OR2T8: variants seen among roughly 807,000 people sequenced by gnomAD.
The protein encoded by OR2T8 is olfactory receptor 2T8.
For missense variants in OR2T8, 161 were observed against 389.4 expected, an observed-to-expected ratio of 0.41 and a Z score of 4.94; for synonymous variants, 56 against 154.3, an observed-to-expected ratio of 0.36 and a Z score of 4.72.
Position 247,920,301 on chromosome 1 carries a change from T to C in OR2T8, c.-238T>C, listed in dbSNP as rs1411669969. ...GTTAATGAAAATGTGTGTTTACCAT[T>C]ATACTCTTACACTGCAAAGAAATAA... On this transcript the variant is annotated 5_prime_UTR_variant, in exon 1 of 2. Transcript: ENST00000641945. The C allele has an allele frequency of 6.6e-6, 1 of 152,266 alleles. No individual in the cohort carries two copies. The highest frequency in any genetic ancestry group is 1.9e-4 in the East Asian group (1 of 5,202). 9.4% of individuals were successfully genotyped at this position (152,266 alleles called of 1,614,324 possible). A position where few individuals can be genotyped will look rare whatever the true frequency, so the allele number is the denominator to read the frequency against.
rs141251148 is a variant in OR2T8 at position 247,921,109 on chromosome 1, G to C, written c.92G>C (p.Ser31Thr). Residue 31 changes from serine to threonine, a missense_variant, in exon 2 of 2, where the codon AGT becomes ACT. Physicochemically the swap from Ser to Thr is moderately conservative, Grantham distance 58. Coordinates refer to ENST00000641945, the MANE Select transcript of OR2T8 (RefSeq NM_001005522.2). ...CAAGTCCTCTTCATGATGGTTCTGA[G>C]TATCGTTTTGACCTCCCTGTTTGGC... is the stretch of plus-strand genomic sequence containing the variant. The part of the protein sequence containing the change: ...AHQVLFMMVL[S>T]IVLTSLFGNS... 1,260 of 1,605,178 alleles carry C rather than the reference G, an allele frequency of 7.8e-4. 6 individuals carry two copies. In the African/African-American group the frequency reaches 8.6e-3, roughly 11 times the overall value.
rs1314467356 is a variant in OR2T8, at chr1:247,922,941, C to T, written c.*985C>T. ...CAGTTTGCTTTTAATTTGCATTTTC[C>T]TGATGACTAATAATGTTGAGGCCTC... On this transcript the variant is annotated 3_prime_UTR_variant, in exon 2 of 2. Transcript: ENST00000641945. Among the ~76,000 whole-genome samples, 1 of 152,054 alleles carries T rather than the reference C, an allele frequency of 6.6e-6. No homozygotes were observed. Among genetic ancestry groups the T allele is most frequent in the African/African-American group, 2.4e-5 (1 of 41,406 alleles).
Position 247,921,863 on chromosome 1 carries a change from A to G in OR2T8, c.846A>G (p.Leu282=), listed in dbSNP as rs770017589. 1 of 1,613,578 alleles carries G rather than the reference A, an allele frequency of 6.2e-7. No individual in the cohort carries two copies. ...VSAFYTMFTP[L]LNPLIYSVKN... ...CCTTCTATACTATGTTCACCCCTTTACTAAACCCCCTCATCTACAGTGTGA... is the reference window on the plus strand; with the variant it reads ...CCTTCTATACTATGTTCACCCCTTTGCTAAACCCCCTCATCTACAGTGTGA... The change falls in exon 2 of 2, where the codon TTA becomes TTG. Residue 282 remains leucine (L), a synonymous_variant. Coordinates refer to ENST00000641945, the MANE Select transcript of OR2T8 (RefSeq NM_001005522.2).
Position 247,922,700 on chromosome 1 carries a change from A to G in OR2T8, c.*744A>G, listed in dbSNP as rs888974473. Among the ~76,000 whole-genome samples the G allele has an allele frequency of 2.0e-5, 3 of 152,116 alleles. No individual in the cohort carries two copies. Among genetic ancestry groups the G allele is most frequent in the African/African-American group, 7.2e-5 (3 of 41,412 alleles). ...GCTGATGGACATCTGGGCTATTTTC[A>G]GTTTGAAGTTCTGGTGACTGAAATG... On this transcript the variant is annotated 3_prime_UTR_variant, in exon 2 of 2. Coordinates refer to ENST00000641945, the MANE Select transcript of OR2T8 (RefSeq NM_001005522.2).
Position 247,921,715 on chromosome 1 carries a change from A to G in OR2T8, c.698A>G (p.Lys233Arg), listed in dbSNP as rs1660021807. 1.7e-5 allele frequency: 27 copies of G among 1,578,900 alleles called. No homozygotes were observed. The East Asian group carries it at 6.1e-4, about 35-fold the overall frequency. Residue 233 changes from lysine to arginine, a missense_variant, in exon 2 of 2, where the codon AAG (lysine) becomes AGG (arginine). Transcript: ENST00000641945. The stretch of plus-strand genomic sequence containing the variant: ...CACATGCGCTCTACAGAAGCCCGCA[A>G]GAAGGCCTTTGCCACCTGCTCTTCA... ...VLHMRSTEAR[K>R]KAFATCSSHV... is the part of the protein sequence containing the mutation.
chr1:247,920,955 C>T, intron 1 of OR2T8, 43 bp from the exon 2 acceptor site: 2 of 1,374,096 alleles, frequency 1.5e-6, no homozygotes, highest in Non-Finnish European at 2.0e-6. Context: ...AAATGGAGTA[C>T]CATAAAGGAT....
chr1:247,920,649 A>T (rs1553340901), intron 1 of OR2T8, 131 bp downstream of exon 1: 1 of 227,308 alleles, frequency 4.4e-6, no homozygotes, highest in Non-Finnish European at 8.7e-6. Flanking sequence ...TAACTCAAGC[A>T]CAAATAAAGT....
At position 247,922,016 on chromosome 1, in the gene OR2T8, A is replaced by C. The variant is rs1167971239; in HGVS notation, c.*60A>C. The C allele has an allele frequency of 9.1e-6, 14 of 1,540,476 alleles. No individual in the cohort carries two copies. Among genetic ancestry groups the C allele is most frequent in the African/African-American group, 4.1e-5 (3 of 72,830 alleles). On this transcript the variant is annotated 3_prime_UTR_variant, in exon 2 of 2. Transcript: ENST00000641945. ...AAAGTGTTTGTGTGGAATTTCCTAGAAATAAGGAATATACACTTTTATTTC... is the reference window on the plus strand; with the variant it reads ...AAAGTGTTTGTGTGGAATTTCCTAGCAATAAGGAATATACACTTTTATTTC...
At position 247,922,664 on chromosome 1, in the gene OR2T8, TC is replaced by T. The variant is rs1221432465; in HGVS notation, c.*710del. 6.6e-6 allele frequency among the ~76,000 whole-genome samples: 1 copy of T among 152,252 alleles called. No individual in the cohort carries two copies. Among genetic ancestry groups the T allele is most frequent in the East Asian group, 1.9e-4 (1 of 5,202 alleles). The stretch of plus-strand genomic sequence containing the variant: ...TTCTGAAAATTTCATCATTTGTTTA[TC>T]CATTATTTTGCTGATGGACATCTGG... On this transcript the variant is annotated 3_prime_UTR_variant, in exon 2 of 2. Transcript: ENST00000641945.
intron 1 of OR2T8, among the ~76,000 whole-genome samples, chr1:247,920,725 C>A (rs1293073897): frequency 1.3e-5 from 2 of 152,144 alleles, no homozygotes; most frequent in Non-Finnish European, 2.9e-5. Flanking sequence ...CAAAACCATT[C>A]TGACAGGTTA....
rs151173901 is a variant in OR2T8, at chr1:247,921,054, C to T, written c.37C>T (p.Leu13=). The T allele has an allele frequency of 1.8e-5, 29 of 1,611,216 alleles. No individual in the cohort carries two copies. In the African/African-American group the frequency reaches 3.5e-4, roughly 19 times the overall value. Residue 13 remains leucine (L), a synonymous_variant, in exon 2 of 2, where the codon CTA becomes TTA. Transcript: ENST00000641945. The stretch of plus-strand genomic sequence containing the variant: ...GAGCTATACCTCTTATTTCATTCTC[C>T]TAGGACTCTTTAACCACACCAGAGC... The part of the protein sequence containing the change: ...NGSYTSYFIL[L]GLFNHTRAHQ...
At chr1:247,920,620 A>G (rs1659994230) in intron 1 of OR2T8, 102 bp downstream of exon 1, 1 of 193,300 alleles carries the variant, frequency 5.2e-6, no homozygotes, top group African/African-American at 2.4e-5. Context: ...AGCTTCTAAA[A>G]TATTGACTAT....
Position 247,922,883 on chromosome 1 carries a change from A to G in OR2T8, c.*927A>G, listed in dbSNP as rs2103002724. Reference sequence around the variant, plus strand: ...TGCTCCAAATGTCGATGTTTTCTTCATTTTAGCAATTCTTCTGAGTGTAGT... The same window carrying G: ...TGCTCCAAATGTCGATGTTTTCTTCGTTTTAGCAATTCTTCTGAGTGTAGT... On this transcript the variant is annotated 3_prime_UTR_variant, in exon 2 of 2. Transcript: ENST00000641945. Among the ~76,000 whole-genome samples, 1 of 152,272 alleles carries G rather than the reference A, an allele frequency of 6.6e-6. No individual in the cohort carries two copies. Among genetic ancestry groups the G allele is most frequent in the East Asian group, 1.9e-4 (1 of 5,186 alleles).
chr1:247,922,611 T>C lies in OR2T8; in HGVS notation c.*655T>C, dbSNP rs4925776. Among the ~76,000 whole-genome samples, 110,201 of 152,098 alleles carry C rather than the reference T, an allele frequency of 0.72. 40,313 individuals are homozygous for C. Among genetic ancestry groups the C allele is most frequent in the Middle Eastern group, 0.77 (227 of 294 alleles). On this transcript the variant is annotated 3_prime_UTR_variant, in exon 2 of 2. Coordinates refer to ENST00000641945, the MANE Select transcript of OR2T8 (RefSeq NM_001005522.2). ...ATTTTTACCTCATTGTTACATTGCTTTTTTTTACTGCTAAGTAGTATTTTG... is the reference window on the plus strand; with the variant it reads ...ATTTTTACCTCATTGTTACATTGCTCTTTTTTACTGCTAAGTAGTATTTTG...
At chr1:247,920,937 C>T (rs999308976) in intron 1 of OR2T8, 61 bp from the exon 2 acceptor site, 21 of 1,230,002 alleles carry the variant, frequency 1.7e-5, no homozygotes, top group African/African-American at 9.0e-5. Context: ...TTTTTTACTA[C>T]GTAACTCAAA....
intron 1 of OR2T8, 65 bp from the exon 2 acceptor site, chr1:247,920,933 A>T (rs1659999351): frequency 8.4e-7 from 1 of 1,183,758 alleles, no homozygotes; most frequent in Non-Finnish European, 1.2e-6. Context: ...CTATTTTTTT[A>T]CTACGTAACT....
rs1226298073 is a variant in OR2T8 at position 247,922,170 on chromosome 1, A to G, written c.*214A>G. 6.6e-6 allele frequency among the ~76,000 whole-genome samples: 1 copy of G among 152,222 alleles called. No individual in the cohort carries two copies. Among genetic ancestry groups the G allele is most frequent in the Non-Finnish European group, 1.5e-5 (1 of 68,040 alleles). On this transcript the variant is annotated 3_prime_UTR_variant, in exon 2 of 2. Transcript: ENST00000641945. ...AATCATGGATTGTTAAAAATCGGTG[A>G]ACTCACTAATCCTTAGTAAGATGGT... is the stretch of plus-strand genomic sequence containing the variant.
In OR2T8 at chr1:247,921,034, A is replaced by G. The variant is rs765465321; in HGVS notation, c.17A>G (p.Tyr6Cys). The G allele has an allele frequency of 3.1e-6, 5 of 1,608,158 alleles. No individual in the cohort carries two copies. The highest frequency in any genetic ancestry group is 2.7e-5 in the African/African-American group (2 of 74,754). The change falls in exon 2 of 2, where the codon TAT becomes TGT. Residue 6 changes from tyrosine to cysteine, a missense_variant. Tyr to Cys is a radical substitution (Grantham distance 194, BLOSUM62 -2). Transcript: ENST00000641945. ...TTTGAAATCATGGAAAATGGGAGCT[A>G]TACCTCTTATTTCATTCTCCTAGGA... is the stretch of plus-strand genomic sequence containing the variant. MENGS[Y>C]TSYFILLGLF...
At position 247,920,450 on chromosome 1, in the gene OR2T8, A is replaced by G. The variant is rs1659991911; in HGVS notation, c.-89A>G. 1 of 153,468 alleles carries G rather than the reference A, an allele frequency of 6.5e-6. No homozygotes were observed. The highest frequency in any genetic ancestry group is 6.4e-5 in the Admixed American group (1 of 15,518). 9.5% of individuals were successfully genotyped at this position (153,468 alleles called of 1,614,324 possible). On this transcript the variant is annotated 5_prime_UTR_variant, in exon 1 of 2. It adds an upstream start codon to the 5' untranslated region. Transcript: ENST00000641945. ...ACTCAGCCTTTCCAGACCTGAGAAT[A>G]TAAGTCACCCTCTTTAGAAAGGAAA...
Sources: gnomAD v4.1 joint callset for allele counts (sites outside exome capture counted in the v4.1 genomes callset) on GRCh38, gnomAD v4.1.1 for gene constraint, MANE v1.5 for transcripts, NCBI Gene and HGNC (gene_info 2026-07-23, HGNC 2026-07-21) for gene names.